PUDP: variants seen among roughly 807,000 people sequenced by gnomAD.
PUDP encodes pseudouridine-5'-phosphatase.
In PUDP, 8 loss-of-function variants were observed where a neutral mutation model predicts 9.4. That is an observed-to-expected ratio of 0.85 (90% CI 0.50 to 1.53). The LOEUF is 1.53. PUDP is among the 40% of genes most tolerant of loss of function. The pLI, the probability that PUDP is intolerant of heterozygous loss-of-function variation, is 0.00. For missense variants in PUDP, 188 were observed against 189.7 expected, an observed-to-expected ratio of 0.99 and a Z score of 0.05; for synonymous variants, 99 against 80.7, an observed-to-expected ratio of 1.23 and a Z score of -1.22.
intron 3 of PUDP, among the ~76,000 whole-genome samples, chrX:6,976,604 G>A (rs1168240877): frequency 8.9e-6 from 1 of 111,865 alleles, no homozygotes; most frequent in East Asian, 2.8e-4. Context: ...TGCCTTTTGC[G>A]TTGATCTCAC....
upstream of PUDP, among the ~76,000 whole-genome samples, chrX:6,724,153 C>T (rs777607852): frequency 9.0e-6 from 1 of 111,188 alleles, no homozygotes; most frequent in South Asian, 3.7e-4. Flanking sequence ...AGCAACCTCA[C>T]GTATAATGTA....
At chrX:6,711,916 T>A (rs1264669563) in intron 1 of PUDP, among the ~76,000 whole-genome samples, 1 of 111,789 alleles carries the variant, frequency 8.9e-6, no homozygotes, top group Non-Finnish European at 1.9e-5. Context: ...GCTTTTACAT[T>A]TGATCACCTA....
Position 6,825,559 on chromosome X carries a change from C to T in PUDP, c.*248-119093G>A, listed in dbSNP as rs1926412030. Among the ~76,000 whole-genome samples the T allele has an allele frequency of 3.6e-5, 4 of 111,445 alleles. No homozygotes were observed. In the South Asian group the frequency reaches 1.5e-3, roughly 43 times the overall value. The stretch of plus-strand genomic sequence containing the variant: ...ATGGACATGGTGTTTCTGGCACCTC[C>T]TGGAATATGACTTAGGGGGCCTTGA... On this transcript the variant is annotated intron_variant and NMD_transcript_variant, in intron 3 of 3. Transcript: ENST00000655425.
intron 2 of PUDP, among the ~76,000 whole-genome samples, chrX:7,085,888 T>A (rs1438504286): frequency 1.8e-5 from 2 of 111,510 alleles, no homozygotes; most frequent in Admixed American, 1.9e-4. Context: ...CACCGCTACA[T>A]GACTCTAGCC....
At chrX:7,003,465 T>TTC (rs1929357398) in intron 1 of PUDP, among the ~76,000 whole-genome samples, 1 of 111,474 alleles carries the variant, frequency 9.0e-6, no homozygotes, top group Admixed American at 9.5e-5. Flanking sequence ...ATAGTTAGTA[T>TTC]AAAACAACAC....
At chrX:7,012,509 GGCAGA>G (rs1477301139) in intron 1 of PUDP, among the ~76,000 whole-genome samples, 4 of 111,604 alleles carry the variant, frequency 3.6e-5, no homozygotes, top group African/African-American at 1.3e-4. Context: ...CATTCTGCTT[GGCAGA>G]GTCATCGGTA....
At chrX:7,140,933 T>C (rs769515874) in intron 1 of PUDP, among the ~76,000 whole-genome samples, 1 of 111,904 alleles carries the variant, frequency 8.9e-6, no homozygotes, top group African/African-American at 3.3e-5. Context: ...TGATCTTTGA[T>C]GTTACCATTG....
intron 3 of PUDP, among the ~76,000 whole-genome samples, chrX:6,935,180 A>G (rs1928276253): frequency 9.3e-6 from 1 of 106,986 alleles, no homozygotes; most frequent in African/African-American, 3.4e-5. Context: ...CAGAATATAC[A>G]TTTTTTTAAG....
intron 3 of PUDP, among the ~76,000 whole-genome samples, chrX:6,852,569 C>T (rs1226762084): frequency 9.3e-6 from 1 of 107,707 alleles, no homozygotes; most frequent in Non-Finnish European, 1.9e-5. Context: ...TAAATGATTG[C>T]AAATTCATTC....
intron 3 of PUDP, among the ~76,000 whole-genome samples, chrX:6,838,054 C>T (rs776794732): frequency 2.0e-4 from 22 of 112,035 alleles, no homozygotes; most frequent in Non-Finnish European, 3.9e-4. Context: ...TCATCCACTA[C>T]CCTGTTGCCA....
chrX:6,743,417 G>A (rs1322719204), intron 3 of PUDP, among the ~76,000 whole-genome samples: 1 of 111,861 alleles, frequency 8.9e-6, no homozygotes, highest in East Asian at 2.8e-4. Flanking sequence ...TTGGGGTGGT[G>A]GGTTCTTCCA....
At chrX:6,723,356 G>A (rs1249150529), upstream of PUDP, among the ~76,000 whole-genome samples, 4 of 96,810 alleles carry the variant, frequency 4.1e-5, no homozygotes, top group Admixed American at 2.4e-4. Flanking sequence ...GATTGTTTGA[G>A]CCCAGGAGGT....
intron 1 of PUDP, among the ~76,000 whole-genome samples, chrX:7,002,425 C>T (rs963422036): frequency 8.9e-6 from 1 of 111,816 alleles, no homozygotes; most frequent in African/African-American, 3.3e-5. Flanking sequence ...TTTTCACCGA[C>T]TTTGAGAATA....
intron 3 of PUDP, among the ~76,000 whole-genome samples, chrX:6,951,527 T>C (rs970150625): frequency 1.1e-4 from 12 of 111,933 alleles, no homozygotes; most frequent in African/African-American, 3.3e-4. Flanking sequence ...CTGGAGCTTC[T>C]ATTTATGCTA....
chrX:6,938,710 C>G (rs1928350427), intron 3 of PUDP, among the ~76,000 whole-genome samples: 1 of 107,638 alleles, frequency 9.3e-6, no homozygotes, highest in Admixed American at 1.0e-4. Context: ...TATTTTTGGT[C>G]AGGAGTCGCA....
At chrX:7,067,070 A>G (rs766074658) in intron 3 of PUDP, among the ~76,000 whole-genome samples, 17 of 112,472 alleles carry the variant, frequency 1.5e-4, no homozygotes, top group Non-Finnish European at 3.2e-4. Context: ...AGCCAAGCAT[A>G]AAGAAGATAT....
intron 1 of PUDP, among the ~76,000 whole-genome samples, chrX:7,019,256 G>C (rs1183293827): frequency 1.8e-5 from 2 of 112,004 alleles, no homozygotes; most frequent in Non-Finnish European, 3.8e-5. Context: ...TTGGGGTCTG[G>C]ATCGGGACCC....
intron 2 of PUDP, among the ~76,000 whole-genome samples, chrX:7,092,647 T>C (rs756098240): frequency 2.6e-4 from 29 of 111,733 alleles, no homozygotes; most frequent in African/African-American, 9.1e-4. Flanking sequence ...GCTATGGAGA[T>C]GAAAGGTCCC....
intron 1 of PUDP, among the ~76,000 whole-genome samples, chrX:7,130,400 G>C (rs2146925702): frequency 9.2e-6 from 1 of 108,400 alleles, no homozygotes; most frequent in African/African-American, 3.3e-5. Flanking sequence ...CACAAAAGGA[G>C]GAGGAGGACA....
Sources: gnomAD v4.1 joint callset for allele counts (sites outside exome capture counted in the v4.1 genomes callset) on GRCh38, gnomAD v4.1.1 for gene constraint, MANE v1.5 for transcripts, NCBI Gene and HGNC (gene_info 2026-07-23, HGNC 2026-07-21) for gene names.